The following MSRA variants were observed in gnomAD, a reference collection of about 807,000 sequenced individuals.
MSRA encodes methionine sulfoxide reductase A.
MSRA carries 54 observed loss-of-function variants against 31.3 expected under a neutral mutation model. That is an observed-to-expected ratio of 1.73 (90% CI 1.39 to 2.17). MSRA has a LOEUF of 2.17. Among genes scored for constraint, MSRA ranks in the 30% most tolerant of loss-of-function variants. MSRA has a pLI of 0.00. For synonymous variants in MSRA, 169 were observed against 116.5 expected (o/e 1.45, Z -2.90); for missense variants, 507 against 300.9 (o/e 1.69, Z -5.07).
chr8:10,127,127 G>C (rs1344694998), intron 1 of MSRA, among the ~76,000 whole-genome samples: 2 of 152,136 alleles, frequency 1.3e-5, no homozygotes, highest in Non-Finnish European at 2.9e-5. Flanking sequence ...TGCAAACTCT[G>C]GTGTGCTTGG....
At chr8:10,271,153 CT>C (rs1307615103) in intron 3 of MSRA, among the ~76,000 whole-genome samples, 1 of 151,112 alleles carries the variant, frequency 6.6e-6, no homozygotes, top group Non-Finnish European at 1.5e-5. Context: ...AAACAAACAG[CT>C]TTTTAAAAGT....
intron 1 of MSRA, among the ~76,000 whole-genome samples, chr8:10,154,357 T>C (rs1447871255): frequency 6.6e-6 from 1 of 151,198 alleles, no homozygotes; most frequent in Non-Finnish European, 1.5e-5. Context: ...GAAGGACACA[T>C]TTGTGGTTTT....
chr8:10,275,198 A>T (rs1339690571), intron 3 of MSRA, among the ~76,000 whole-genome samples: 1 of 152,218 alleles, frequency 6.6e-6, no homozygotes, highest in East Asian at 1.9e-4. Flanking sequence ...ATAAAACCAC[A>T]TATGACCAAA....
intron 3 of MSRA, among the ~76,000 whole-genome samples, chr8:10,297,824 C>T (rs960456169): frequency 3.3e-5 from 5 of 152,272 alleles, no homozygotes; most frequent in African/African-American, 9.6e-5. Flanking sequence ...TGTTTGCTGG[C>T]GAGTGGAAAT....
At chr8:10,418,657 T>A (rs1478430679) in intron 5 of MSRA, among the ~76,000 whole-genome samples, 1 of 152,002 alleles carries the variant, frequency 6.6e-6, no homozygotes, top group Non-Finnish European at 1.5e-5. Flanking sequence ...CAGGTTCCTT[T>A]CTAGTAATAC....
intron 5 of MSRA, among the ~76,000 whole-genome samples, chr8:10,355,997 C>T (rs1438119645): frequency 6.6e-6 from 1 of 152,154 alleles, no homozygotes; most frequent in Admixed American, 6.5e-5. Flanking sequence ...CCAGGTCCTA[C>T]GTGGTACCAC....
chr8:10,311,438 G>C (rs2129132157), intron 4 of MSRA, among the ~76,000 whole-genome samples: 1 of 151,920 alleles, frequency 6.6e-6, no homozygotes, highest in Non-Finnish European at 1.5e-5. Context: ...TCCAGCACTT[G>C]ACCCAGTGGA....
Position 10,111,575 on chromosome 8 carries a change from G to A in MSRA, c.142+56917G>A, listed in dbSNP as rs114115706. On this transcript the variant is annotated intron_variant, in intron 1 of 5. Coordinates refer to ENST00000317173, the MANE Select transcript of MSRA (RefSeq NM_012331.5). ...TTTTGGGGACTTTTTCTTATATAGC[G>A]TTAACACATTTATTTCCAAGTGGTT... 6.8e-3 allele frequency among the ~76,000 whole-genome samples: 1,029 copies of A among 152,156 alleles called. 19 individuals carry two copies. The highest frequency in any genetic ancestry group is 0.023 in the African/African-American group (964 of 41,506).
intron 5 of MSRA, among the ~76,000 whole-genome samples, chr8:10,414,698 G>A (rs1808352639): frequency 6.6e-6 from 1 of 152,174 alleles, no homozygotes; most frequent in South Asian, 2.1e-4. Flanking sequence ...TCAACCTTTT[G>A]GAATGAAGGC....
chr8:10,399,461 C>G (rs1277055923), intron 5 of MSRA, among the ~76,000 whole-genome samples: 3 of 152,156 alleles, frequency 2.0e-5, no homozygotes, highest in Non-Finnish European at 4.4e-5. Context: ...AGTTAGTTCA[C>G]GTGAGGGTGT....
chr8:10,365,024 C>G (rs1285200022), intron 5 of MSRA, among the ~76,000 whole-genome samples: 1 of 151,866 alleles, frequency 6.6e-6, no homozygotes. Flanking sequence ...CTGCTTTGTC[C>G]CCACCTTTGA....
At chr8:10,424,750 G>A (rs1313577225) in intron 5 of MSRA, among the ~76,000 whole-genome samples, 1 of 152,202 alleles carries the variant, frequency 6.6e-6, no homozygotes, top group Admixed American at 6.5e-5. Flanking sequence ...CCTGGGTTAG[G>A]GGAGGTGCTG....
intron 1 of MSRA, among the ~76,000 whole-genome samples, chr8:10,112,336 TAAAG>T (rs2129013912): frequency 6.6e-6 from 1 of 152,252 alleles, no homozygotes; most frequent in African/African-American, 2.4e-5. Context: ...TTCTTAAAAA[TAAAG>T]AAATAAAAGC....
At chr8:10,169,350 T>C (rs1450540990) in intron 1 of MSRA, among the ~76,000 whole-genome samples, 1 of 152,216 alleles carries the variant, frequency 6.6e-6, no homozygotes, top group Middle Eastern at 3.2e-3. Context: ...TATTCAGCTG[T>C]GTGAGTATGT....
chr8:10,368,484 G>A (rs116423009), intron 5 of MSRA, among the ~76,000 whole-genome samples: 9 of 152,046 alleles, frequency 5.9e-5, no homozygotes, highest in African/African-American at 2.2e-4. Context: ...CCCTGGGGCC[G>A]AGGTTGCTGG....
chr8:10,265,141 T>G (rs1175897954), intron 3 of MSRA, among the ~76,000 whole-genome samples: 1 of 152,190 alleles, frequency 6.6e-6, no homozygotes, highest in Admixed American at 6.5e-5. Context: ...CCAAATTATG[T>G]CCTGGAAGAG....
intron 5 of MSRA, among the ~76,000 whole-genome samples, chr8:10,365,901 A>C (rs1805137096): frequency 6.6e-6 from 1 of 152,210 alleles, no homozygotes; most frequent in East Asian, 1.9e-4. Flanking sequence ...TCTGCTCTCC[A>C]TCCCTTCCTA....
At chr8:10,259,636 AAAT>A (rs2129092243) in intron 3 of MSRA, among the ~76,000 whole-genome samples, 1 of 152,276 alleles carries the variant, frequency 6.6e-6, no homozygotes, top group African/African-American at 2.4e-5. Flanking sequence ...AAAGCTCAGA[AAAT>A]AATATGTTGA....
intron 3 of MSRA, among the ~76,000 whole-genome samples, chr8:10,296,364 A>G (rs1800542716): frequency 6.6e-6 from 1 of 152,202 alleles, no homozygotes; most frequent in Non-Finnish European, 1.5e-5. Flanking sequence ...ATAACAATAG[A>G]AACCTCGTGT....
Sources: gnomAD v4.1 joint callset for allele counts (sites outside exome capture counted in the v4.1 genomes callset) on GRCh38, gnomAD v4.1.1 for gene constraint, MANE v1.5 for transcripts, NCBI Gene and HGNC (gene_info 2026-07-23, HGNC 2026-07-21) for gene names.